The following SPAG16 variants were observed in gnomAD, a reference collection of about 807,000 sequenced individuals.
The protein encoded by SPAG16 is sperm associated antigen 16, also known as sperm-associated antigen 16 protein.
Under a neutral mutation model 80.4 loss-of-function variants are expected in SPAG16, and 86 were observed. That is an observed-to-expected ratio of 1.07 (90% CI 0.90 to 1.28). The LOEUF is 1.28. Ranked by LOEUF, SPAG16 falls within the 50% of genes most tolerant of loss-of-function variation. SPAG16 has a pLI of 0.00. For missense variants in SPAG16, 870 were observed against 765.3 expected (o/e 1.14, Z -1.61); for synonymous variants, 294 against 265.9 (o/e 1.11, Z -1.03).
intron 5 of SPAG16, among the ~76,000 whole-genome samples, chr2:213,331,270 G>A (rs747234666): frequency 2.3e-4 from 35 of 152,134 alleles, no homozygotes; most frequent in Non-Finnish European, 3.7e-4. Flanking sequence ...AACATTTCTA[G>A]ACACTTTCTG....
chr2:213,889,636 T>C lies in SPAG16; in HGVS notation c.1214+27008T>C, dbSNP rs182789667. ...CACAAAATATATATATACATATACATATACACACACACATATATACATATA... is the reference window on the plus strand; with the variant it reads ...CACAAAATATATATATACATATACACATACACACACACATATATACATATA... On this transcript the variant is annotated intron_variant, in intron 11 of 15. Coordinates refer to ENST00000331683, the MANE Select transcript of SPAG16 (RefSeq NM_024532.5). Among the ~76,000 whole-genome samples, 437 of 149,766 alleles carry C rather than the reference T, an allele frequency of 2.9e-3. 3 individuals are homozygous for C. The highest frequency in any genetic ancestry group is 0.01 in the African/African-American group (422 of 41,004).
At chr2:213,763,709 GAATAGAATAT>G (rs1199197510) in intron 10 of SPAG16, among the ~76,000 whole-genome samples, 3 of 152,120 alleles carry the variant, frequency 2.0e-5, no homozygotes, top group African/African-American at 7.2e-5. Flanking sequence ...TGGAAGTTTG[GAATAGAATAT>G]CAGCTGTGAT....
intron 10 of SPAG16, among the ~76,000 whole-genome samples, chr2:213,658,590 G>A (rs2063306076): frequency 1.3e-5 from 2 of 152,140 alleles, no homozygotes; most frequent in Non-Finnish European, 2.9e-5. Context: ...TATAGGTGAG[G>A]CAACTGAGGT....
chr2:214,299,576 G>A (rs1694404630), intron 15 of SPAG16, among the ~76,000 whole-genome samples: 2 of 151,844 alleles, frequency 1.3e-5, no homozygotes, highest in Admixed American at 6.6e-5. Context: ...ATTGTTTCCA[G>A]TCTCTCACTT....
At chr2:214,113,636 A>C (rs2053786180) in intron 14 of SPAG16, among the ~76,000 whole-genome samples, 1 of 152,130 alleles carries the variant, frequency 6.6e-6, no homozygotes, top group Admixed American at 6.5e-5. Flanking sequence ...TTGTGCATGC[A>C]TCATGTAGTT....
intron 15 of SPAG16, among the ~76,000 whole-genome samples, chr2:214,304,881 G>T (rs1694807653): frequency 6.6e-6 from 1 of 151,948 alleles, no homozygotes. Context: ...TGTTCCTTTG[G>T]GTATATACTC....
rs1161878780 is a variant in SPAG16, at chr2:213,371,396, CAAA to C, written c.833-3594_833-3592del. Reference sequence around the variant, plus strand: ...CTGGCAACACAGCAAGACCGTGTCTCAAAAAAAAAAAAAAAAAAAAAAGAAAAG... The same window carrying C: ...CTGGCAACACAGCAAGACCGTGTCTCAAAAAAAAAAAAAAAAAAAGAAAAG... On this transcript the variant is annotated intron_variant, in intron 8 of 15. Transcript: ENST00000331683. Among the ~76,000 whole-genome samples, 450 of 47,302 alleles carry C rather than the reference CAAA, an allele frequency of 9.5e-3. 2 individuals are homozygous for C. The highest frequency in any genetic ancestry group is 0.026 in the African/African-American group (399 of 15,424). The allele number at this position is 47,302 out of a possible 152,430, so 31.0% of individuals were successfully genotyped here.
In SPAG16 at chr2:213,982,012, A is replaced by T. The variant is rs191088896; in HGVS notation, c.1401-31939A>T. ...TGTAGAGCTTACAACAGAGACATAG[A>T]GAAAATATTGACTATACTAAAGTTA... is the stretch of plus-strand genomic sequence containing the variant. On this transcript the variant is annotated intron_variant, in intron 12 of 15. Transcript: ENST00000331683. 2.7e-3 allele frequency among the ~76,000 whole-genome samples: 403 copies of T among 151,830 alleles called. 6 individuals are homozygous for T. Among genetic ancestry groups the T allele is most frequent in the African/African-American group, 9.4e-3 (386 of 41,262 alleles).
chr2:214,109,307 A>G (rs1027388263), intron 14 of SPAG16, among the ~76,000 whole-genome samples: 3 of 152,224 alleles, frequency 2.0e-5, no homozygotes, highest in African/African-American at 7.2e-5. Flanking sequence ...TAATCAAAGA[A>G]GGATGATTTA....
chr2:214,117,537 G>A (rs2053995689), intron 14 of SPAG16, among the ~76,000 whole-genome samples: 1 of 151,962 alleles, frequency 6.6e-6, no homozygotes, highest in South Asian at 2.1e-4. Flanking sequence ...ACCAGACAAG[G>A]ACCCAACAAC....
intron 10 of SPAG16, among the ~76,000 whole-genome samples, chr2:213,829,799 A>G (rs549783263): frequency 2.6e-5 from 4 of 152,186 alleles, no homozygotes; most frequent in Non-Finnish European, 4.4e-5. Context: ...AATGTCATGC[A>G]GGAATGACGG....
intron 9 of SPAG16, among the ~76,000 whole-genome samples, chr2:213,423,609 C>G (rs2069732195): frequency 6.6e-6 from 1 of 152,138 alleles, no homozygotes; most frequent in South Asian, 2.1e-4. Context: ...AATTCTGTTT[C>G]AACTATTAGC....
chr2:213,720,571 G>C (rs940290245), intron 10 of SPAG16, among the ~76,000 whole-genome samples: 11 of 151,334 alleles, frequency 7.3e-5, no homozygotes, highest in Non-Finnish European at 1.3e-4. Flanking sequence ...CTGGGAGGCG[G>C]AGCTTGCAGT....
chr2:213,376,699 G>A (rs953786197), intron 9 of SPAG16, among the ~76,000 whole-genome samples: 4 of 151,886 alleles, frequency 2.6e-5, no homozygotes, highest in Admixed American at 2.6e-4. Context: ...ATATTATTAT[G>A]TATGTTGTCA....
Position 213,897,985 on chromosome 2 carries a change from T to G in SPAG16, c.1215-31975T>G, listed in dbSNP as rs183769354. Reference sequence around the variant, plus strand: ...CAAGTGACAATTTTTAAAAAACTATTATATGAAGATGGACAAATTTTATCT... The same window carrying G: ...CAAGTGACAATTTTTAAAAAACTATGATATGAAGATGGACAAATTTTATCT... On this transcript the variant is annotated intron_variant, in intron 11 of 15. Coordinates refer to ENST00000331683, the MANE Select transcript of SPAG16 (RefSeq NM_024532.5). 6.8e-4 allele frequency among the ~76,000 whole-genome samples: 104 copies of G among 152,306 alleles called. 1 individual carries two copies. In the East Asian group the frequency reaches 0.018, roughly 26 times the overall value.
intron 9 of SPAG16, among the ~76,000 whole-genome samples, chr2:213,453,610 C>T (rs1349456083): frequency 6.6e-6 from 1 of 152,084 alleles, no homozygotes; most frequent in Non-Finnish European, 1.5e-5. Context: ...GTAAGGGAGA[C>T]CCAGTGGACA....
intron 10 of SPAG16, among the ~76,000 whole-genome samples, chr2:213,641,801 G>A (rs2062601245): frequency 6.6e-6 from 1 of 152,148 alleles, no homozygotes; most frequent in African/African-American, 2.4e-5. Flanking sequence ...AAACAAAGAA[G>A]GTTTAATTGC....
intron 10 of SPAG16, among the ~76,000 whole-genome samples, chr2:213,683,290 C>T (rs2064486412): frequency 6.6e-6 from 1 of 152,172 alleles, no homozygotes; most frequent in African/African-American, 2.4e-5. Context: ...GTGCCTCACA[C>T]CTGTAATTCC....
chr2:213,492,589 C>T (rs781124983), intron 10 of SPAG16, among the ~76,000 whole-genome samples: 1 of 151,314 alleles, frequency 6.6e-6, no homozygotes, highest in Non-Finnish European at 1.5e-5. Context: ...ACAGATACCA[C>T]CCCCTCTACA....
Sources: allele counts gnomAD v4.1 joint callset (sites outside exome capture counted in the v4.1 genomes callset), GRCh38; gene constraint gnomAD v4.1.1; transcripts MANE v1.5; gene names NCBI Gene and HGNC (gene_info 2026-07-23, HGNC 2026-07-21).